The following SNTG2 variants were observed in gnomAD, a reference collection of about 807,000 sequenced individuals.
SNTG2 encodes gamma-2-syntrophin.
Under a neutral mutation model 70.9 loss-of-function variants are expected in SNTG2, and 74 were observed. That is an observed-to-expected ratio of 1.04 (90% CI 0.86 to 1.27). The LOEUF (loss-of-function observed/expected upper bound fraction) is 1.27. Among genes scored for constraint, SNTG2 ranks in the 50% most tolerant of loss-of-function variants. The pLI is 0.00. For synonymous variants in SNTG2, 278 were observed against 273.8 expected (o/e 1.02, Z -0.15); for missense variants, 717 against 690.7 (o/e 1.04, Z -0.43).
At chr2:1,140,601 C>T (rs1484892051) in intron 6 of SNTG2, among the ~76,000 whole-genome samples, 1 of 152,226 alleles carries the variant, frequency 6.6e-6, no homozygotes, top group Non-Finnish European at 1.5e-5. Flanking sequence ...CCCCCACAGG[C>T]AGGGCGCAGA....
At chr2:1,018,628 A>G (rs1158533333) in intron 1 of SNTG2, among the ~76,000 whole-genome samples, 1 of 152,204 alleles carries the variant, frequency 6.6e-6, no homozygotes, top group Admixed American at 6.5e-5. Flanking sequence ...AGAGCTGTTT[A>G]GACCCAGGGC....
At chr2:1,222,628 GCGGT>G (rs1675388534) in intron 9 of SNTG2, among the ~76,000 whole-genome samples, 1 of 2,146 alleles carries the variant, frequency 4.7e-4, no homozygotes, top group South Asian at 0.02. Context: ...GTAGAGGAAA[GCGGT>G]GCAGTGATGG....
intron 7 of SNTG2, among the ~76,000 whole-genome samples, chr2:1,171,150 A>T (rs772827786): frequency 2.6e-5 from 4 of 152,202 alleles, no homozygotes; most frequent in African/African-American, 4.8e-5. Context: ...ATTGGGTTTT[A>T]AAAAATAATG....
At chr2:1,237,370 A>G (rs555181648) in intron 9 of SNTG2, among the ~76,000 whole-genome samples, 12 of 152,232 alleles carry the variant, frequency 7.9e-5, no homozygotes, top group Admixed American at 6.5e-5. Context: ...TGAATTTGAG[A>G]CGGTTGGTTG....
At chr2:1,033,099 C>T (rs558645558) in intron 1 of SNTG2, among the ~76,000 whole-genome samples, 1 of 152,182 alleles carries the variant, frequency 6.6e-6, no homozygotes, top group Non-Finnish European at 1.5e-5. Context: ...TGGCACTGAA[C>T]CACTTACGAG....
At position 1,148,617 on chromosome 2, in the gene SNTG2, G is replaced by A. The variant is rs542625946; in HGVS notation, c.411+10808G>A. The stretch of plus-strand genomic sequence containing the variant: ...TACCTGACACTAAGCCTGAGCTCCC[G>A]GGGCGGGATGCACCTGTGGTTTGGA... On this transcript the variant is annotated intron_variant, in intron 6 of 16. Transcript: ENST00000308624. Among the ~76,000 whole-genome samples, 15 of 152,304 alleles carry A rather than the reference G, an allele frequency of 9.8e-5. No homozygotes were observed. In the South Asian group the frequency reaches 1.5e-3, roughly 15 times the overall value.
At chr2:1,303,195 A>G (rs998375580) in intron 14 of SNTG2, among the ~76,000 whole-genome samples, 1 of 152,228 alleles carries the variant, frequency 6.6e-6, no homozygotes, top group Admixed American at 6.5e-5. Flanking sequence ...GATAATAAAC[A>G]TTATCTTCAA....
At chr2:1,170,530 G>A (rs1035930432) in intron 7 of SNTG2, among the ~76,000 whole-genome samples, 13 of 152,166 alleles carry the variant, frequency 8.5e-5, no homozygotes, top group Admixed American at 5.2e-4. Context: ...GACCTGGAAT[G>A]AGGATCTCCG....
At chr2:1,114,332 T>G (rs1666769571) in intron 4 of SNTG2, among the ~76,000 whole-genome samples, 1 of 150,656 alleles carries the variant, frequency 6.6e-6, no homozygotes, top group Non-Finnish European at 1.5e-5. Flanking sequence ...CTAACTGAGG[T>G]TCAACACTTA....
At chr2:1,282,249 G>A (rs1377456534) in intron 14 of SNTG2, among the ~76,000 whole-genome samples, 1 of 151,996 alleles carries the variant, frequency 6.6e-6, no homozygotes, top group African/African-American at 2.4e-5. Flanking sequence ...AGTAGTTTAC[G>A]TGCACCGCCG....
intron 1 of SNTG2, among the ~76,000 whole-genome samples, chr2:1,031,526 A>ATTTTTTTTTTT (rs1660820699): frequency 3.7e-5 from 2 of 54,164 alleles, no homozygotes; most frequent in South Asian, 6.6e-4. Flanking sequence ...ATATATATAT[A>ATTTTTTTTTTT]TATTTTTTTT....
intron 1 of SNTG2, among the ~76,000 whole-genome samples, chr2:1,071,073 C>T (rs1014340688): frequency 2.2e-4 from 34 of 152,136 alleles, no homozygotes; most frequent in Non-Finnish European, 3.8e-4. Flanking sequence ...ACAGAAGCCT[C>T]GGGTAGTTTT....
At chr2:1,220,151 T>G (rs569781351) in intron 9 of SNTG2, 1 of 152,440 alleles carries the variant, frequency 6.6e-6, no homozygotes, top group Admixed American at 6.5e-5. Flanking sequence ...AGGGCACTCC[T>G]TACCCGGGCT....
At chr2:1,109,026 G>T (rs531370441) in intron 4 of SNTG2, among the ~76,000 whole-genome samples, 1 of 138,834 alleles carries the variant, frequency 7.2e-6, no homozygotes, top group South Asian at 2.6e-4. Flanking sequence ...GAGCTGCTTG[G>T]TAATAGTGGA....
chr2:979,754 A>G (rs1173877735), intron 1 of SNTG2, among the ~76,000 whole-genome samples: 2 of 152,144 alleles, frequency 1.3e-5, no homozygotes, highest in East Asian at 3.9e-4. Context: ...AACAGCTGCT[A>G]CAGTGGAGTG....
intron 8 of SNTG2, among the ~76,000 whole-genome samples, chr2:1,191,720 A>T (rs1260753232): frequency 1.3e-5 from 2 of 152,142 alleles, no homozygotes; most frequent in African/African-American, 4.8e-5. Context: ...ACTGGAACCC[A>T]GGAGGCAGAG....
intron 6 of SNTG2, among the ~76,000 whole-genome samples, chr2:1,155,172 C>CACACACACACACACACA (rs1553340385): frequency 2.4e-3 from 63 of 26,016 alleles, no homozygotes; most frequent in African/African-American, 3.9e-3. Flanking sequence ...CACGTAGACC[C>CACACACACACACACACA]CCCCCCCACA....
At chr2:956,524 C>T (rs141194441) in intron 1 of SNTG2, among the ~76,000 whole-genome samples, 1,708 of 152,346 alleles carry the variant, frequency 0.011, 20 homozygotes, top group Middle Eastern at 0.034. Context: ...TCTCACCAGG[C>T]GCAGCACCTG....
intron 1 of SNTG2, among the ~76,000 whole-genome samples, chr2:1,020,769 T>G (rs1428797339): frequency 6.6e-6 from 1 of 152,190 alleles, no homozygotes; most frequent in Non-Finnish European, 1.5e-5. Context: ...CCATTATTCA[T>G]GAGCTGAGTT....
Sources: gnomAD v4.1 joint callset for allele counts (sites outside exome capture counted in the v4.1 genomes callset) on GRCh38, gnomAD v4.1.1 for gene constraint, MANE v1.5 for transcripts, NCBI Gene and HGNC (gene_info 2026-07-23, HGNC 2026-07-21) for gene names.